Variants in EDIL3 observed in about 807,000 individuals in gnomAD.
The protein encoded by EDIL3 is EGF-like repeat and discoidin I-like domain-containing protein 3.
Under a neutral mutation model 67.4 loss-of-function variants are expected in EDIL3, and 37 were observed. The ratio of observed to expected loss-of-function variants is 0.55; its 90% CI spans 0.42 to 0.72. EDIL3 has a LOEUF of 0.72. EDIL3 is among the 30% of genes least tolerant of loss of function. The probability of loss-of-function intolerance (pLI) is 0.00; values close to 1 mark genes in which losing one functional copy is unlikely to be tolerated. For synonymous variants in EDIL3, 195 were observed against 196.3 expected, an observed-to-expected ratio of 0.99 and a Z score of 0.05; for missense variants, 527 against 586.3, an observed-to-expected ratio of 0.90 and a Z score of 1.04.
intron 1 of EDIL3, among the ~76,000 whole-genome samples, chr5:84,295,088 G>GA (rs1746019293): frequency 1.3e-5 from 2 of 151,606 alleles, no homozygotes; most frequent in Non-Finnish European, 1.5e-5. Context: ...AGCCAGAAAA[G>GA]AAAAAGGCAG....
intron 3 of EDIL3, among the ~76,000 whole-genome samples, chr5:84,217,739 CACACACACACACACACACACACACAT>C (rs999760647): frequency 4.6e-5 from 7 of 151,002 alleles, no homozygotes; most frequent in African/African-American, 1.7e-4. Context: ...CACACACACA[CACACACACACACACACACACACACAT>C]CCTTCTGGTT....
At chr5:83,956,287 T>G (rs1244066701) in intron 10 of EDIL3, among the ~76,000 whole-genome samples, 2 of 151,766 alleles carry the variant, frequency 1.3e-5, no homozygotes, top group African/African-American at 2.4e-5. Flanking sequence ...CACTTGCAGC[T>G]TATGTTAAAC....
intron 1 of EDIL3, among the ~76,000 whole-genome samples, chr5:84,363,168 G>A (rs968688383): frequency 4.6e-5 from 7 of 152,010 alleles, no homozygotes; most frequent in Admixed American, 1.3e-4. Context: ...TTTTGGGTTG[G>A]AATCTTAGTT....
intron 9 of EDIL3, among the ~76,000 whole-genome samples, chr5:83,987,057 TTCA>T (rs1269785917): frequency 1.3e-5 from 2 of 152,166 alleles, no homozygotes; most frequent in African/African-American, 4.8e-5. Flanking sequence ...TAATTAGGTT[TTCA>T]CCATGTACTC....
intron 5 of EDIL3, among the ~76,000 whole-genome samples, chr5:84,113,647 T>C (rs1026065872): frequency 2.0e-5 from 3 of 152,208 alleles, no homozygotes; most frequent in African/African-American, 4.8e-5. Flanking sequence ...AGCTGACAAG[T>C]AAGCAGTGCC....
At chr5:84,053,697 A>G (rs1746385637) in intron 9 of EDIL3, among the ~76,000 whole-genome samples, 1 of 152,224 alleles carries the variant, frequency 6.6e-6, no homozygotes, top group Non-Finnish European at 1.5e-5. Context: ...CAAATAAACT[A>G]GAAAATCTAG....
chr5:84,226,716 T>C (rs1403323336), intron 3 of EDIL3, among the ~76,000 whole-genome samples: 2 of 151,986 alleles, frequency 1.3e-5, no homozygotes, highest in Non-Finnish European at 2.9e-5. Flanking sequence ...TGTAGCTAAA[T>C]ATTCCTTAAG....
chr5:84,143,184 A>C (rs937799027), intron 4 of EDIL3, among the ~76,000 whole-genome samples: 1 of 152,066 alleles, frequency 6.6e-6, no homozygotes, highest in Non-Finnish European at 1.5e-5. Flanking sequence ...ATTATGTCAC[A>C]ATCAGAATTA....
chr5:84,311,217 G>A (rs979114076), intron 1 of EDIL3, among the ~76,000 whole-genome samples: 2 of 150,646 alleles, frequency 1.3e-5, no homozygotes, highest in Non-Finnish European at 3.0e-5. Context: ...ATGTATGTTA[G>A]TTAGTGTGTT....
intron 1 of EDIL3, among the ~76,000 whole-genome samples, chr5:84,269,549 T>C (rs1045004123): frequency 3.3e-5 from 5 of 152,162 alleles, no homozygotes; most frequent in African/African-American, 1.2e-4. Flanking sequence ...TTTATATTAG[T>C]GTAAGCAATA....
At chr5:84,346,611 A>T (rs533234353) in intron 1 of EDIL3, among the ~76,000 whole-genome samples, 1 of 152,244 alleles carries the variant, frequency 6.6e-6, no homozygotes, top group East Asian at 1.9e-4. Context: ...CTGTTAATAG[A>T]TGTTCCTTGG....
intron 5 of EDIL3, among the ~76,000 whole-genome samples, chr5:84,113,502 C>T (rs2112290418): frequency 6.6e-6 from 1 of 152,218 alleles, no homozygotes; most frequent in Non-Finnish European, 1.5e-5. Context: ...ACTTCAAGTG[C>T]CTCCCCATAG....
intron 6 of EDIL3, among the ~76,000 whole-genome samples, chr5:84,083,978 G>A (rs890362637): frequency 2.6e-5 from 4 of 152,054 alleles, no homozygotes; most frequent in Admixed American, 6.5e-5. Flanking sequence ...ACAAGTAGGG[G>A]AAGAAGATGT....
intron 4 of EDIL3, among the ~76,000 whole-genome samples, chr5:84,154,589 T>G (rs1748457371): frequency 6.6e-6 from 1 of 151,628 alleles, no homozygotes; most frequent in Non-Finnish European, 1.5e-5. Flanking sequence ...TTTTTTTTTT[T>G]GCTTGTTAGG....
intron 1 of EDIL3, among the ~76,000 whole-genome samples, chr5:84,262,666 T>G (rs1000338837): frequency 2.1e-5 from 2 of 96,486 alleles, no homozygotes; most frequent in Non-Finnish European, 1.9e-5. Flanking sequence ...TTGGTTTTTT[T>G]TTTTTTTTTT....
intron 1 of EDIL3, among the ~76,000 whole-genome samples, chr5:84,304,896 T>C (rs1746235760): frequency 6.6e-6 from 1 of 152,168 alleles, no homozygotes; most frequent in Non-Finnish European, 1.5e-5. Flanking sequence ...TGGAAATATA[T>C]AAAAAGCAAG....
intron 1 of EDIL3, among the ~76,000 whole-genome samples, chr5:84,264,622 T>C (rs1451016783): frequency 1.3e-5 from 2 of 152,198 alleles, no homozygotes; most frequent in South Asian, 4.1e-4. Context: ...TATAGCTTAC[T>C]GAACTTTACG....
chr5:84,256,910 A>G (rs761452971), intron 1 of EDIL3, among the ~76,000 whole-genome samples: 1 of 152,244 alleles, frequency 6.6e-6, no homozygotes, highest in Non-Finnish European at 1.5e-5. Context: ...AAATCTAGTT[A>G]ATAAATACTA....
At chr5:84,063,131 A>C (rs1423410022) in intron 8 of EDIL3, among the ~76,000 whole-genome samples, 3 of 152,124 alleles carry the variant, frequency 2.0e-5, no homozygotes, top group Non-Finnish European at 4.4e-5. Flanking sequence ...TTCACATCTT[A>C]GGGGTGTAAC....
Sources: allele counts gnomAD v4.1 joint callset (sites outside exome capture counted in the v4.1 genomes callset), GRCh38; gene constraint gnomAD v4.1.1; transcripts MANE v1.5; gene names NCBI Gene and HGNC (gene_info 2026-07-23, HGNC 2026-07-21).